Variants in RSPH14 observed in about 807,000 individuals in gnomAD.
The protein encoded by RSPH14 is rhabdoid tumor deletion region gene 1.
In RSPH14, 20 loss-of-function variants were observed where a neutral mutation model predicts 26.7. The ratio of observed to expected loss-of-function variants is 0.75; its 90% CI spans 0.53 to 1.09. The LOEUF (loss-of-function observed/expected upper bound fraction) is 1.09. Ranked by LOEUF, RSPH14 falls within the 50% of genes least tolerant of loss-of-function variation. RSPH14 has a pLI of 0.00. For missense variants in RSPH14, 449 were observed against 457.2 expected (o/e 0.98, Z 0.16); for synonymous variants, 177 against 189.3 (o/e 0.93, Z 0.53).
intron 3 of RSPH14, 46 bp from the exon 4 acceptor site, chr22:23,134,190 G>C (rs764621732): frequency 7.0e-7 from 1 of 1,420,510 alleles, no homozygotes; most frequent in Non-Finnish European, 9.8e-7. Context: ...ACCATGCCCT[G>C]AGAGGCTCAA....
chr22:23,070,150 C>T (rs1383280141), intron 4 of RSPH14, among the ~76,000 whole-genome samples: 1 of 152,020 alleles, frequency 6.6e-6, no homozygotes, highest in Non-Finnish European at 1.5e-5. Flanking sequence ...TGTCCGTCCC[C>T]ATTGGGCTAC....
At chr22:23,172,260 A>G in the RSPH14 span, among the ~76,000 whole-genome samples, 1 of 152,048 alleles carries the variant, frequency 6.6e-6, no homozygotes, top group East Asian at 1.9e-4. Flanking sequence ...ATCATGGCTC[A>G]CTACAATCTC....
chr22:23,070,663 C>T (rs907849845), intron 4 of RSPH14: 1 of 152,046 alleles, frequency 6.6e-6, no homozygotes, highest in African/African-American at 2.4e-5. Flanking sequence ...ACTTGGGACT[C>T]TTCCCAGGCC....
chr22:23,146,659 G>C (rs144317144), upstream of RSPH14: 3 of 1,613,880 alleles, frequency 1.9e-6, no homozygotes, highest in African/African-American at 4.0e-5. Context: ...TGTGAGCCGC[G>C]ACCGTGTCAT....
intron 4 of RSPH14, among the ~76,000 whole-genome samples, chr22:23,088,061 A>G (rs2146293000): frequency 6.6e-6 from 1 of 152,340 alleles, no homozygotes; most frequent in East Asian, 1.9e-4. Context: ...AGTTCAGCCT[A>G]CACCCAGGAA....
intron 3 of RSPH14, among the ~76,000 whole-genome samples, chr22:23,138,078 A>G (rs2070514109): frequency 6.6e-6 from 1 of 152,212 alleles, no homozygotes; most frequent in African/African-American, 2.4e-5. Flanking sequence ...CTCAGCCATC[A>G]TGAACAGGAA....
chr22:23,119,727 C>A (rs180728497), intron 4 of RSPH14, among the ~76,000 whole-genome samples: 3 of 152,232 alleles, frequency 2.0e-5, no homozygotes, highest in Non-Finnish European at 4.4e-5. Flanking sequence ...GTGCTTCCCA[C>A]GCTCTGAAGC....
At chr22:23,078,501 G>A (rs774554101) in intron 4 of RSPH14, among the ~76,000 whole-genome samples, 37 of 152,234 alleles carry the variant, frequency 2.4e-4, no homozygotes, top group Non-Finnish European at 4.4e-4. Context: ...CTCTGTCGTG[G>A]CTCCTGGAGT....
In RSPH14 at chr22:23,079,164, C is replaced by T. The variant is rs534566946; in HGVS notation, c.422-15031G>A. 1.3e-3 allele frequency among the ~76,000 whole-genome samples: 193 copies of T among 152,358 alleles called. 1 individual carries two copies. Among genetic ancestry groups the T allele is most frequent in the African/African-American group, 4.4e-3 (185 of 41,582 alleles). On this transcript the variant is annotated intron_variant, in intron 4 of 6. Coordinates refer to ENST00000216036, the MANE Select transcript of RSPH14 (RefSeq NM_014433.3). Reference sequence around the variant, plus strand: ...GTGGGAAAGAGGTGGGCGATAAACACTCTAAGTAAATTATACAGTGTGCTA... The same window carrying T: ...GTGGGAAAGAGGTGGGCGATAAACATTCTAAGTAAATTATACAGTGTGCTA...
chr22:23,061,845 C>T lies in RSPH14; in HGVS notation c.754G>A (p.Ala252Thr), dbSNP rs2068102001. 6.2e-7 allele frequency: 1 copy of T among 1,614,010 alleles called. No individual in the cohort carries two copies. Residue 252 changes from alanine (A) to threonine (T), a missense_variant, in exon 6 of 7, where the codon GCC becomes ACC. Ala to Thr is a moderately conservative substitution (Grantham distance 58). Transcript: ENST00000216036. ...DPVEHVKSNA[A>T]GALMFATVIT... is the part of the protein sequence containing the mutation. ...ACTGTGGCGAACATCAGGGCACCGG[C>T]AGCGTTAGACTTCACATGCTCCACT...
upstream of RSPH14, chr22:23,145,932 C>T (rs1260507536): frequency 1.0e-6 from 1 of 974,710 alleles, no homozygotes; most frequent in Non-Finnish European, 1.2e-6. Flanking sequence ...GGCCCCCAGG[C>T]CCACCTAGAG....
At chr22:23,141,919 C>CG (rs1229723895) in intron 1 of RSPH14, 30 bp downstream of exon 1, 10 of 953,354 alleles carry the variant, frequency 1.0e-5, no homozygotes, top group Non-Finnish European at 1.2e-5. Context: ...CCCCTGTCCC[C>CG]GGGCCCCTAG....
At chr22:23,129,505 A>C (rs1251228678) in intron 4 of RSPH14, among the ~76,000 whole-genome samples, 1 of 152,128 alleles carries the variant, frequency 6.6e-6, no homozygotes, top group Non-Finnish European at 1.5e-5. Flanking sequence ...CGTACATTTT[A>C]GAAGAAAATA....
chr22:23,079,414 G>C (rs968748516), intron 4 of RSPH14, among the ~76,000 whole-genome samples: 1 of 152,296 alleles, frequency 6.6e-6, no homozygotes, highest in East Asian at 1.9e-4. Flanking sequence ...AGTTAAGAGT[G>C]AGGGATGGTG....
chr22:23,081,761 G>A (rs1040544787), intron 4 of RSPH14, among the ~76,000 whole-genome samples: 2 of 144,058 alleles, frequency 1.4e-5, no homozygotes, highest in Non-Finnish European at 3.0e-5. Context: ...GATGGAAGTT[G>A]CAGTGAGCCG....
intron 4 of RSPH14, among the ~76,000 whole-genome samples, chr22:23,120,358 G>A (rs1569186592): frequency 6.6e-6 from 1 of 152,102 alleles, no homozygotes; most frequent in Non-Finnish European, 1.5e-5. Context: ...CTTGGCCTTG[G>A]AGAGAGGGGG....
upstream of RSPH14, chr22:23,146,705 G>A: frequency 1.2e-6 from 2 of 1,612,636 alleles, no homozygotes; most frequent in Non-Finnish European, 1.7e-6. Flanking sequence ...CATTACGTCT[G>A]CAGTGCTCTC....
intron 4 of RSPH14, among the ~76,000 whole-genome samples, chr22:23,111,357 G>A (rs1433282800): frequency 6.6e-6 from 1 of 152,236 alleles, no homozygotes; most frequent in Non-Finnish European, 1.5e-5. Flanking sequence ...AGGGGAGAGA[G>A]GCAAGCGCAC....
the RSPH14 span, among the ~76,000 whole-genome samples, chr22:23,151,208 G>A: frequency 6.6e-6 from 1 of 152,342 alleles, no homozygotes; most frequent in African/African-American, 2.4e-5. Context: ...CATGGTGGTG[G>A]GATGAGAGTA....
Sources: gnomAD v4.1 joint callset for allele counts (sites outside exome capture counted in the v4.1 genomes callset) on GRCh38, gnomAD v4.1.1 for gene constraint, MANE v1.5 for transcripts, NCBI Gene and HGNC (gene_info 2026-07-23, HGNC 2026-07-21) for gene names.